The following CCDC158 variants were observed in gnomAD, a reference collection of about 807,000 sequenced individuals.
CCDC158 encodes the protein coiled-coil domain-containing protein 158.
Under a neutral mutation model 138.6 loss-of-function variants are expected in CCDC158, and 116 were observed. The ratio of observed to expected loss-of-function variants is 0.84; its 90% CI spans 0.72 to 0.98. The LOEUF is 0.98. Among genes scored for constraint, CCDC158 ranks in the 50% least tolerant of loss-of-function variants. The pLI is 0.00. For synonymous variants in CCDC158, 436 were observed against 442.4 expected, an observed-to-expected ratio of 0.99 and a Z score of 0.18; for missense variants, 1,265 against 1,306.1, an observed-to-expected ratio of 0.97 and a Z score of 0.48.
chr4:76,363,106 A>G (rs76959483), intron 12 of CCDC158, among the ~76,000 whole-genome samples: 1 of 152,160 alleles, frequency 6.6e-6, no homozygotes, highest in South Asian at 2.1e-4. Context: ...CTGTTTGTGC[A>G]AACAATGTGT....
chr4:76,361,443 T>A (rs1196860050), intron 13 of CCDC158, among the ~76,000 whole-genome samples: 1 of 152,068 alleles, frequency 6.6e-6, no homozygotes. Context: ...GCGCCTGTAG[T>A]CCCAGCTACT....
At chr4:76,319,491 T>A (rs1452305931) in intron 24 of CCDC158, among the ~76,000 whole-genome samples, 5 of 94,220 alleles carry the variant, frequency 5.3e-5, no homozygotes, top group African/African-American at 1.3e-4. Flanking sequence ...TATATATATA[T>A]ATATATATAT....
At chr4:76,418,384 G>A (rs921700723) in intron 1 of CCDC158, among the ~76,000 whole-genome samples, 3 of 152,136 alleles carry the variant, frequency 2.0e-5, no homozygotes, top group Non-Finnish European at 4.4e-5. Context: ...AAAATCACTG[G>A]ACTGTCCACT....
intron 10 of CCDC158, among the ~76,000 whole-genome samples, chr4:76,370,738 T>G (rs964447613): frequency 5.3e-5 from 8 of 152,162 alleles, no homozygotes; most frequent in African/African-American, 1.9e-4. Context: ...CTGAAAAACA[T>G]GCAAATGTTA....
intron 1 of CCDC158, among the ~76,000 whole-genome samples, chr4:76,413,063 G>T (rs1729414228): frequency 6.6e-6 from 1 of 152,060 alleles, no homozygotes. Context: ...GGTTAGAGAA[G>T]TAATTGGGTA....
rs949235173 is a variant in CCDC158 at position 76,351,049 on chromosome 4, G to A, written c.2611C>T (p.Arg871Cys). 4 of 1,613,912 alleles carry A rather than the reference G, an allele frequency of 2.5e-6. No individual in the cohort carries two copies. Among genetic ancestry groups the A allele is most frequent in the African/African-American group, 1.3e-5 (1 of 75,012 alleles). The change falls in exon 18 of 25, where the codon CGT becomes TGT. Residue 871 changes from arginine to cysteine, a missense_variant. By Grantham distance (180) the Arg-to-Cys change is radical. Coordinates refer to ENST00000682701, the MANE Select transcript of CCDC158 (RefSeq NM_001394954.1). ...PRLLQPASVT[R>C]SHSNVPSSQS... is the part of the protein sequence containing the mutation. The stretch of plus-strand genomic sequence containing the variant: ...GAAGATGGTACATTAGAATGAGAAC[G>A]AGTAACAGATGCTGGCTGGAGAAGG...
At chr4:76,327,083 T>C (rs907081248) in intron 22 of CCDC158, among the ~76,000 whole-genome samples, 1 of 152,136 alleles carries the variant, frequency 6.6e-6, no homozygotes, top group Non-Finnish European at 1.5e-5. Flanking sequence ...TCTAAGGTAC[T>C]GCCAATGTAT....
chr4:76,405,715 A>C (rs895223370), intron 2 of CCDC158, among the ~76,000 whole-genome samples: 6 of 152,186 alleles, frequency 3.9e-5, no homozygotes, highest in African/African-American at 1.4e-4. Flanking sequence ...CCATTGACTT[A>C]AAATGGAATA....
intron 23 of CCDC158, among the ~76,000 whole-genome samples, chr4:76,324,866 C>T (rs552329503): frequency 6.6e-6 from 1 of 152,278 alleles, no homozygotes; most frequent in Non-Finnish European, 1.5e-5. Context: ...CCTGCATCTG[C>T]GGGGATAGTG....
chr4:76,358,203 A>G (rs1723773627), intron 13 of CCDC158, among the ~76,000 whole-genome samples: 1 of 152,056 alleles, frequency 6.6e-6, no homozygotes, highest in Non-Finnish European at 1.5e-5. Context: ...CCAGTTGCTT[A>G]CATTGCTTTT....
chr4:76,384,044 G>A, intron 6 of CCDC158, 44 bp downstream of exon 6: 1 of 1,285,220 alleles, frequency 7.8e-7, no homozygotes, highest in East Asian at 2.5e-5. Context: ...TTCTCTTAAT[G>A]CATTTTAATA....
At chr4:76,364,409 A>T (rs1367969759) in intron 12 of CCDC158, among the ~76,000 whole-genome samples, 2 of 152,218 alleles carry the variant, frequency 1.3e-5, no homozygotes, top group Non-Finnish European at 2.9e-5. Context: ...ATGACTCTGG[A>T]GCACCTGGAA....
intron 24 of CCDC158, among the ~76,000 whole-genome samples, chr4:76,313,802 C>G (rs914630464): frequency 1.3e-5 from 2 of 152,248 alleles, no homozygotes; most frequent in Non-Finnish European, 2.9e-5. Context: ...TTATTCTTTA[C>G]ACAAATGAAA....
chr4:76,317,251 A>T (rs1414506779), intron 24 of CCDC158, among the ~76,000 whole-genome samples: 2 of 152,182 alleles, frequency 1.3e-5, no homozygotes, highest in African/African-American at 4.8e-5. Context: ...CTAATGCACA[A>T]GGACTCACAT....
chr4:76,343,672 G>A lies in CCDC158; in HGVS notation c.2664+7324C>T, dbSNP rs1367153263. ...AAAAATTAGCCAGGTGTGGTGGCGG[G>A]TGCCTGTAATCCCAGCTACTCAGGA... On this transcript the variant is annotated intron_variant, in intron 18 of 24. Transcript: ENST00000682701. 2.6e-5 allele frequency among the ~76,000 whole-genome samples: 4 copies of A among 152,124 alleles called. 1 individual carries two copies. The highest frequency in any genetic ancestry group is 4.1e-4 in the South Asian group (2 of 4,822).
At chr4:76,363,884 G>T (rs947886972) in intron 12 of CCDC158, among the ~76,000 whole-genome samples, 11 of 152,152 alleles carry the variant, frequency 7.2e-5, no homozygotes, top group African/African-American at 2.7e-4. Flanking sequence ...CGTGGGGGTA[G>T]GGGGAGAAGC....
chr4:76,334,186 C>A lies in CCDC158; in HGVS notation c.2665-19G>T, dbSNP rs897655866. 7 of 1,512,316 alleles carry A rather than the reference C, an allele frequency of 4.6e-6. No individual in the cohort carries two copies. In the African/African-American group the frequency reaches 9.7e-5, roughly 21 times the overall value. 93.7% of individuals were successfully genotyped at this position (1,512,316 alleles called of 1,614,324 possible). On this transcript the variant is annotated intron_variant, in intron 18 of 24. Coordinates refer to ENST00000682701, the MANE Select transcript of CCDC158 (RefSeq NM_001394954.1). ...TAGAGTGCTGAGTTAAAACAATTTACAAAGACACTTATTTTTTCAGATTTC... is the reference window on the plus strand; with the variant it reads ...TAGAGTGCTGAGTTAAAACAATTTAAAAAGACACTTATTTTTTCAGATTTC...
chr4:76,332,772 C>G (rs776290091), intron 19 of CCDC158, among the ~76,000 whole-genome samples: 1 of 152,148 alleles, frequency 6.6e-6, no homozygotes, highest in Admixed American at 6.6e-5. Flanking sequence ...AGGTAGGGAT[C>G]AAATATATTC....
chr4:76,396,361 T>A lies in CCDC158; in HGVS notation c.196A>T (p.Lys66Ter), dbSNP rs768656130. The change falls in exon 4 of 25, where the codon AAA becomes TAA. Residue 66 changes from lysine to a stop codon, truncating the protein, a stop_gained. Coordinates refer to ENST00000682701, the MANE Select transcript of CCDC158 (RefSeq NM_001394954.1). LOFTEE classifies it high-confidence loss of function. ...KYEVELDSPR[K>*]IIPSPGKEHF... ...TCCTTTCCAGGAGATGGGATGATTT[T>A]TCTAGGAGAATCAAGTTCCACTTCA... 1.9e-6 allele frequency: 3 copies of A among 1,614,018 alleles called. No individual in the cohort carries two copies. The highest frequency in any genetic ancestry group is 2.5e-6 in the Non-Finnish European group (3 of 1,179,922).
Sources: allele counts gnomAD v4.1 joint callset (sites outside exome capture counted in the v4.1 genomes callset), GRCh38; gene constraint gnomAD v4.1.1; transcripts MANE v1.5; gene names NCBI Gene and HGNC (gene_info 2026-07-23, HGNC 2026-07-21).